The following TNFSF11 variants were observed in gnomAD, a reference collection of about 807,000 sequenced individuals.
TNFSF11 encodes the protein tumor necrosis factor ligand superfamily member 11.
In TNFSF11, 12 loss-of-function variants were observed where a neutral mutation model predicts 32.2. The observed-to-expected ratio is 0.37, with a 90% CI of 0.24 to 0.60. The LOEUF (loss-of-function observed/expected upper bound fraction) is 0.60, where lower values mean the gene tolerates loss of function less well. Ranked by LOEUF, TNFSF11 falls within the 20% of genes least tolerant of loss-of-function variation. The pLI is 0.66. For missense variants in TNFSF11, 345 were observed against 398.0 expected (o/e 0.87, Z 1.13); for synonymous variants, 172 against 152.1 (o/e 1.13, Z -0.96).
At chr13:42,599,340 T>TCTA (rs1566387230) in intron 2 of TNFSF11, among the ~76,000 whole-genome samples, 1 of 134,444 alleles carries the variant, frequency 7.4e-6, no homozygotes, top group East Asian at 2.2e-4. Flanking sequence ...TATCTATCTA[T>TCTA]CTATCTATCA....
Position 42,606,531 on chromosome 13 carries a change from T to C in TNFSF11, c.567T>C (p.His189=), listed in dbSNP as rs749846436. ...SHKVSLSSWY[H]DRGWAKISNM... The stretch of plus-strand genomic sequence containing the variant: ...AAGTGAGTCTGTCCTCTTGGTACCA[T>C]GATCGGGGTTGGGCCAAGATCTCCA... Residue 189 remains histidine (H), a synonymous_variant, in exon 5 of 5, where the codon CAT becomes CAC. Coordinates refer to ENST00000398795, the MANE Select transcript of TNFSF11 (RefSeq NM_003701.4). The C allele has an allele frequency of 3.7e-6, 6 of 1,614,118 alleles. No individual in the cohort carries two copies. Among genetic ancestry groups the C allele is most frequent in the Non-Finnish European group, 5.1e-6 (6 of 1,180,040 alleles).
intron 2 of TNFSF11, 92 bp downstream of exon 2, chr13:42,581,385 C>T (rs926139367): frequency 1.8e-5 from 24 of 1,353,866 alleles, no homozygotes; most frequent in African/African-American, 7.4e-5. Context: ...TGACTCTGCT[C>T]TTTTTATTCT....
At chr13:42,569,547 CA>C (rs71298952), upstream of TNFSF11, among the ~76,000 whole-genome samples, 35,459 of 133,922 alleles carry the variant, frequency 0.26, 5,231 homozygotes, top group African/African-American at 0.43. Flanking sequence ...CACTCTGTCT[CA>C]AAAAAAAAAA....
At chr13:42,573,871 G>A (rs1873160206), upstream of TNFSF11, among the ~76,000 whole-genome samples, 1 of 152,172 alleles carries the variant, frequency 6.6e-6, no homozygotes, top group African/African-American at 2.4e-5. Flanking sequence ...TTTAGCAAAG[G>A]TGTCCTCTGC....
chr13:42,580,876 C>G (rs1443073335), intron 1 of TNFSF11, among the ~76,000 whole-genome samples: 1 of 152,210 alleles, frequency 6.6e-6, no homozygotes, highest in African/African-American at 2.4e-5. Context: ...CGCACATACA[C>G]TTCTGTCATT....
At chr13:42,574,134 G>T, upstream of TNFSF11, 2 of 816,072 alleles carry the variant, frequency 2.5e-6, no homozygotes, top group Non-Finnish European at 3.9e-6. Context: ...TATAAGAGTT[G>T]GGGCTGCCGG....
chr13:42,598,316 C>T lies in TNFSF11; in HGVS notation c.388-2436C>T, dbSNP rs571576423. Among the ~76,000 whole-genome samples, 22 of 152,306 alleles carry T rather than the reference C, an allele frequency of 1.4e-4. 1 individual carries two copies. The South Asian group carries it at 4.6e-3, about 32-fold the overall frequency. ...GGGGTAGCGTTCAATCTCAGAATTA[C>T]TCTGTCACCAAGGTTCCTCTTCCAA... On this transcript the variant is annotated intron_variant, in intron 2 of 4. Transcript: ENST00000398795.
upstream of TNFSF11, among the ~76,000 whole-genome samples, chr13:42,572,903 T>G (rs1470708266): frequency 6.6e-6 from 1 of 152,188 alleles, no homozygotes; most frequent in South Asian, 2.1e-4. Context: ...AGTCCCCTGA[T>G]ATCCATGGAA....
chr13:42,569,135 T>C (rs951470454), intron 2 of TNFSF11, among the ~76,000 whole-genome samples: 21 of 152,136 alleles, frequency 1.4e-4, no homozygotes, highest in African/African-American at 5.1e-4. Context: ...TCCGTGACTA[T>C]GTTACCTCAC....
At chr13:42,601,492 T>G (rs1869172957) in intron 4 of TNFSF11, among the ~76,000 whole-genome samples, 1 of 152,188 alleles carries the variant, frequency 6.6e-6, no homozygotes, top group African/African-American at 2.4e-5. Context: ...GAGTAAATGC[T>G]TAGCTTGATG....
intron 4 of TNFSF11, among the ~76,000 whole-genome samples, chr13:42,602,530 CT>C (rs1314054947): frequency 4.6e-5 from 7 of 152,148 alleles, no homozygotes; most frequent in Non-Finnish European, 1.0e-4. Flanking sequence ...AATTCTTTGG[CT>C]TTTAGAGGAT....
intron 1 of TNFSF11, among the ~76,000 whole-genome samples, chr13:42,579,704 CTTTTTTTTT>C (rs59375842): frequency 4.6e-5 from 3 of 65,494 alleles, no homozygotes; most frequent in South Asian, 1.5e-3. Flanking sequence ...TAAGTAAGCC[CTTTTTTTTT>C]TTTTTTTTTT....
chr13:42,580,784 A>G (rs909778427), intron 1 of TNFSF11, among the ~76,000 whole-genome samples: 1 of 152,142 alleles, frequency 6.6e-6, no homozygotes, highest in African/African-American at 2.4e-5. Flanking sequence ...TTCAGTGACC[A>G]CATGTGATTT....
At chr13:42,575,045 G>A (rs1482845379) in intron 1 of TNFSF11, among the ~76,000 whole-genome samples, 1 of 152,210 alleles carries the variant, frequency 6.6e-6, no homozygotes, top group African/African-American at 2.4e-5. Flanking sequence ...CGCGGAGCGG[G>A]AGGTCGCGGT....
rs1873460161 is a variant in TNFSF11 at position 42,579,065 on chromosome 13, C to A, written c.220-2061C>A. 2.6e-5 allele frequency among the ~76,000 whole-genome samples: 4 copies of A among 152,138 alleles called. No individual in the cohort carries two copies. In the South Asian group the frequency reaches 8.3e-4, roughly 32 times the overall value. On this transcript the variant is annotated intron_variant, in intron 1 of 4. Transcript: ENST00000398795. ...ACATTTCTAGCAAGCCCTCAGGGAG[C>A]CCACGATGCTACTCATTGGACTACC...
chr13:42,580,680 T>C (rs1231692461), intron 1 of TNFSF11, among the ~76,000 whole-genome samples: 1 of 152,220 alleles, frequency 6.6e-6, no homozygotes, highest in Non-Finnish European at 1.5e-5. Flanking sequence ...GCCTGTTTTA[T>C]ATAGGTTTCA....
At chr13:42,590,217 A>G (rs1874100493) in intron 2 of TNFSF11, among the ~76,000 whole-genome samples, 1 of 152,228 alleles carries the variant, frequency 6.6e-6, no homozygotes, top group South Asian at 2.1e-4. Context: ...CCTGTGCCCT[A>G]TGTGTGCACA....
At position 42,604,728 on chromosome 13, in the gene TNFSF11, C is replaced by T. The variant is rs185300610; in HGVS notation, c.533-1769C>T. 6.4e-4 allele frequency among the ~76,000 whole-genome samples: 97 copies of T among 152,252 alleles called. No individual in the cohort carries two copies. In the East Asian group the frequency reaches 8.9e-3, roughly 14 times the overall value. ...GAAGGATGTAGATGTTCAAGGCCCA[C>T]CAAACCAGACTAGGCTGGGAAGGTA... On this transcript the variant is annotated intron_variant, in intron 4 of 4. Transcript: ENST00000398795.
At chr13:42,599,346 T>TATCTATCTATCTATC (rs1393556143) in intron 2 of TNFSF11, among the ~76,000 whole-genome samples, 2 of 93,804 alleles carry the variant, frequency 2.1e-5, no homozygotes, top group African/African-American at 8.0e-5. Flanking sequence ...TCTATCTATC[T>TATCTATCTATCTATC]ATCATCTATC....
Sources: allele counts gnomAD v4.1 joint callset (sites outside exome capture counted in the v4.1 genomes callset), GRCh38; gene constraint gnomAD v4.1.1; transcripts MANE v1.5; gene names NCBI Gene and HGNC (gene_info 2026-07-23, HGNC 2026-07-21).